The following NFIB variants were observed in gnomAD, a reference collection of about 807,000 sequenced individuals.
The protein encoded by NFIB is nuclear factor I B.
NFIB carries 11 observed loss-of-function variants against 61.5 expected under a neutral mutation model. That is an observed-to-expected ratio of 0.18 (90% CI 0.11 to 0.30). The LOEUF (loss-of-function observed/expected upper bound fraction) is 0.30. NFIB is among the 10% of genes least tolerant of loss of function. NFIB has a pLI of 1.00. For synonymous variants in NFIB, 260 were observed against 216.5 expected (o/e 1.20, Z -1.76); for missense variants, 471 against 608.9 (o/e 0.77, Z 2.38).
At chr9:14,356,889 C>A (rs539030024) in intron 1 of NFIB, among the ~76,000 whole-genome samples, 1 of 152,230 alleles carries the variant, frequency 6.6e-6, no homozygotes, top group East Asian at 1.9e-4. Flanking sequence ...ATGGGGAGAT[C>A]CTGTTTTTAA....
At chr9:14,385,351 C>T (rs1190192115) in intron 1 of NFIB, among the ~76,000 whole-genome samples, 1 of 152,210 alleles carries the variant, frequency 6.6e-6, no homozygotes, top group African/African-American at 2.4e-5. Context: ...CTGCCTTCTT[C>T]TAACTATTAA....
chr9:14,162,088 T>C (rs1426620961), intron 3 of NFIB, among the ~76,000 whole-genome samples: 1 of 152,078 alleles, frequency 6.6e-6, no homozygotes, highest in Admixed American at 6.5e-5. Flanking sequence ...CACCAGAACA[T>C]TAAGAAACAA....
chr9:14,323,371 A>AT (rs567838966), intron 1 of NFIB, among the ~76,000 whole-genome samples: 50 of 150,728 alleles, frequency 3.3e-4, no homozygotes, highest in East Asian at 7.8e-4. Flanking sequence ...ATGTAGGGGG[A>AT]TTTTTTTTTT....
chr9:14,321,815 G>C, intron 1 of NFIB: 1 of 1,107,672 alleles, frequency 9.0e-7, no homozygotes, highest in South Asian at 4.7e-5. Flanking sequence ...ATGACATTTA[G>C]GAAAGGGGTA....
At chr9:14,492,134 C>G in the NFIB span, among the ~76,000 whole-genome samples, 5 of 152,038 alleles carry the variant, frequency 3.3e-5, no homozygotes, top group Non-Finnish European at 7.4e-5. Context: ...AAGGCCAAGG[C>G]GGGTGGATCA....
At chr9:14,201,788 G>A (rs1371567528) in intron 2 of NFIB, among the ~76,000 whole-genome samples, 1 of 148,398 alleles carries the variant, frequency 6.7e-6, no homozygotes, top group Non-Finnish European at 1.5e-5. Context: ...CCAAAAGAAA[G>A]ACAAAGTAAC....
At chr9:14,460,963 C>G in the NFIB span, among the ~76,000 whole-genome samples, 1 of 151,986 alleles carries the variant, frequency 6.6e-6, no homozygotes, top group Admixed American at 6.6e-5. Flanking sequence ...GAACTTTATA[C>G]GTCTCTGTTT....
At chr9:14,092,867 T>A (rs1479132715) in intron 10 of NFIB, among the ~76,000 whole-genome samples, 1 of 152,062 alleles carries the variant, frequency 6.6e-6, no homozygotes, top group African/African-American at 2.4e-5. Context: ...TTATCCTGGA[T>A]AAACTGGGCA....
chr9:14,333,037 G>A (rs2060840919), intron 1 of NFIB, among the ~76,000 whole-genome samples: 1 of 152,174 alleles, frequency 6.6e-6, no homozygotes, highest in African/African-American at 2.4e-5. Context: ...AGAGGAGACA[G>A]GATAGAGCAG....
the NFIB span, among the ~76,000 whole-genome samples, chr9:14,437,500 C>A: frequency 3.9e-5 from 6 of 152,186 alleles, no homozygotes; most frequent in African/African-American, 1.4e-4. Context: ...TTGACTTCCC[C>A]TTCCAGAGTT....
At chr9:14,335,531 A>C (rs79403118) in intron 1 of NFIB, among the ~76,000 whole-genome samples, 3 of 152,220 alleles carry the variant, frequency 2.0e-5, no homozygotes. Context: ...CATTTAAAAA[A>C]TTGGGTTGTT....
chr9:14,097,402 C>G (rs574156410), intron 10 of NFIB, among the ~76,000 whole-genome samples: 1 of 152,084 alleles, frequency 6.6e-6, no homozygotes, highest in Non-Finnish European at 1.5e-5. Context: ...ATTCAGCACT[C>G]GGAGAATAAA....
chr9:14,513,947 C>G, the NFIB span, among the ~76,000 whole-genome samples: 59 of 152,208 alleles, frequency 3.9e-4, no homozygotes, highest in African/African-American at 1.4e-3. Context: ...CTGAACAATG[C>G]CTATGATGCT....
chr9:14,279,160 T>C (rs1468302811), intron 2 of NFIB, among the ~76,000 whole-genome samples: 1 of 152,114 alleles, frequency 6.6e-6, no homozygotes, highest in Admixed American at 6.6e-5. Context: ...TTGTTAACAA[T>C]GCCATCATTA....
chr9:14,171,126 T>C (rs1054036281), intron 3 of NFIB, among the ~76,000 whole-genome samples: 4 of 152,210 alleles, frequency 2.6e-5, no homozygotes, highest in Non-Finnish European at 5.9e-5. Context: ...CTCTGACCTG[T>C]ATATTAACAC....
At chr9:14,437,982 G>A in the NFIB span, among the ~76,000 whole-genome samples, 1 of 151,644 alleles carries the variant, frequency 6.6e-6, no homozygotes, top group East Asian at 2.0e-4. Context: ...TTGTTTCTTG[G>A]GTACTTTCTA....
At chr9:14,148,901 T>C (rs1007015438) in intron 5 of NFIB, among the ~76,000 whole-genome samples, 7 of 152,204 alleles carry the variant, frequency 4.6e-5, no homozygotes, top group South Asian at 2.1e-4. Flanking sequence ...CTCTCATCTA[T>C]GAGTCAGCAG....
the NFIB span, among the ~76,000 whole-genome samples, chr9:14,495,446 C>CTTTTTTTTTTT: frequency 4.5e-4 from 53 of 117,232 alleles, 4 homozygotes; most frequent in South Asian, 1.3e-3. Flanking sequence ...GAGAAATGAA[C>CTTTTTTTTTTT]TTTTTTTTTT....
intron 2 of NFIB, among the ~76,000 whole-genome samples, chr9:14,181,116 C>G (rs1403066110): frequency 6.6e-6 from 1 of 152,140 alleles, no homozygotes; most frequent in Non-Finnish European, 1.5e-5. Context: ...CTATTAAATG[C>G]AAGAACATCC....
Sources: allele counts gnomAD v4.1 joint callset (sites outside exome capture counted in the v4.1 genomes callset), GRCh38; gene constraint gnomAD v4.1.1; transcripts MANE v1.5; gene names NCBI Gene and HGNC (gene_info 2026-07-23, HGNC 2026-07-21).